The following PLG variants were observed in gnomAD, a reference collection of about 807,000 sequenced individuals.
PLG encodes the protein plasminogen, also known as plasmin.
In PLG, 41 loss-of-function variants were observed where a neutral mutation model predicts 104.4. The ratio of observed to expected loss-of-function variants is 0.39; its 90% CI spans 0.31 to 0.51. The LOEUF (loss-of-function observed/expected upper bound fraction) is 0.51. Ranked by LOEUF, PLG falls within the 20% of genes least tolerant of loss-of-function variation. PLG has a pLI of 0.76. For missense variants in PLG, 891 were observed against 1,003.6 expected (o/e 0.89, Z 1.52); for synonymous variants, 337 against 357.1 (o/e 0.94, Z 0.63).
chr6:160,712,512 A>G (rs4252090), intron 4 of PLG, among the ~76,000 whole-genome samples: 1 of 152,048 alleles, frequency 6.6e-6, no homozygotes, highest in African/African-American at 2.4e-5. Context: ...CAGTTTTCTC[A>G]TCTGTAAAAT....
chr6:160,746,484 T>A (rs1454645364), intron 17 of PLG, among the ~76,000 whole-genome samples: 1 of 152,232 alleles, frequency 6.6e-6, no homozygotes, highest in African/African-American at 2.4e-5. Context: ...CTCTGTCAGA[T>A]CCATTAGGTT....
At chr6:160,749,324 C>T (rs1778355404) in intron 17 of PLG, among the ~76,000 whole-genome samples, 1 of 151,906 alleles carries the variant, frequency 6.6e-6, no homozygotes, top group East Asian at 1.9e-4. Flanking sequence ...AACATCATCA[C>T]CACCACCACC....
chr6:160,738,463 C>G lies in PLG; in HGVS notation c.1803-75C>G. 2.2e-6 allele frequency: 2 copies of G among 918,840 alleles called. No homozygotes were observed. The highest frequency in any genetic ancestry group is 1.6e-5 in the African/African-American group (1 of 61,786). 56.9% of individuals were successfully genotyped at this position (918,840 alleles called of 1,614,324 possible). ...CATGGTCAAAATTAAGTGAACGTGT[C>G]TTTCTGGCTTTCTGTACAATGGAGC... On this transcript the variant is annotated intron_variant, in intron 14 of 18. Transcript: ENST00000308192. This position sits in a 1 kb window ranked among gnomAD's most constrained non-coding sequence, Gnocchi z 6.8.
At position 160,752,783 on chromosome 6, in the gene PLG, T is replaced by G; in HGVS notation, c.2272-117T>G. 2.4e-6 allele frequency: 3 copies of G among 1,268,744 alleles called. No homozygotes were observed. Among genetic ancestry groups the G allele is most frequent in the Admixed American group, 1.8e-5 (1 of 56,448 alleles). The allele number at this position is 1,268,744 out of a possible 1,614,324, so 78.6% of individuals were successfully genotyped here. Reference sequence around the variant, plus strand: ...GATGCTTGAGTAATATGCTCATAAGTTCCTTTCTGATTTCAATTACTGGGA... The same window carrying G: ...GATGCTTGAGTAATATGCTCATAAGGTCCTTTCTGATTTCAATTACTGGGA... On this transcript the variant is annotated intron_variant, in intron 18 of 18. Transcript: ENST00000308192. The surrounding 1 kb of genome is among the most constrained non-coding windows in gnomAD (Gnocchi z 4.7).
rs1778438969 is a variant in PLG at position 160,753,210 on chromosome 6, T to G, written c.*149T>G. On this transcript the variant is annotated 3_prime_UTR_variant, in exon 19 of 19. Coordinates refer to ENST00000308192, the MANE Select transcript of PLG (RefSeq NM_000301.5). This position sits in a 1 kb window ranked among gnomAD's most constrained non-coding sequence, Gnocchi z 5.4. ...CAAACCTCGGCATTTTTTGTGTTATTTTCTGACTGCTGGATTCTGTAGTAA... is the reference window on the plus strand; with the variant it reads ...CAAACCTCGGCATTTTTTGTGTTATGTTCTGACTGCTGGATTCTGTAGTAA... The G allele has an allele frequency of 3.2e-6, 2 of 620,406 alleles. No homozygotes were observed. The highest frequency in any genetic ancestry group is 5.8e-6 in the Non-Finnish European group (2 of 346,356). 38.4% of individuals were successfully genotyped at this position (620,406 alleles called of 1,614,324 possible). A position where few individuals can be genotyped will look rare whatever the true frequency, so the allele number is the denominator to read the frequency against.
chr6:160,713,938 A>G (rs1777689418), intron 5 of PLG, among the ~76,000 whole-genome samples: 1 of 152,220 alleles, frequency 6.6e-6, no homozygotes, highest in East Asian at 1.9e-4. Context: ...TTAGTGCAAA[A>G]GGGAATAAAT....
intron 12 of PLG, 38 bp from the exon 13 acceptor site, chr6:160,733,957 C>T: frequency 9.2e-7 from 1 of 1,092,546 alleles, no homozygotes; most frequent in Non-Finnish European, 1.4e-6. Context: ...CTCTCCTGCC[C>T]CACGTGAGCT....
At position 160,724,061 on chromosome 6, in the gene PLG, C is replaced by G. The variant is rs1041593178; in HGVS notation, c.1256+1494C>G. Among the ~76,000 whole-genome samples the G allele has an allele frequency of 6.6e-6, 1 of 152,154 alleles. No individual in the cohort carries two copies. Among genetic ancestry groups the G allele is most frequent in the African/African-American group, 2.4e-5 (1 of 41,416 alleles). On this transcript the variant is annotated intron_variant, in intron 10 of 18. Transcript: ENST00000308192. This position sits in a 1 kb window ranked among gnomAD's most constrained non-coding sequence, Gnocchi z 5.0. ...AAGTTGCTCAGTTATGTGGCATCCA[C>G]AATGTGTGACCTAAATTTATAACTT...
At chr6:160,705,142 C>T (rs1383264660) in intron 1 of PLG, among the ~76,000 whole-genome samples, 2 of 149,394 alleles carry the variant, frequency 1.3e-5, no homozygotes, top group Non-Finnish European at 3.0e-5. Context: ...ATGGAGCTTG[C>T]CTGTCTTCAT....
intron 7 of PLG, among the ~76,000 whole-genome samples, chr6:160,717,135 C>G (rs564583936): frequency 2.8e-4 from 42 of 150,842 alleles, no homozygotes; most frequent in Non-Finnish European, 5.0e-4. Context: ...GTTTTGTAAA[C>G]AAAGAGTGTC....
At chr6:160,714,146 A>G (rs1256730458) in intron 5 of PLG, among the ~76,000 whole-genome samples, 1 of 152,238 alleles carries the variant, frequency 6.6e-6, no homozygotes, top group Non-Finnish European at 1.5e-5. Flanking sequence ...TTTAAGTCAC[A>G]TATTACTCTG....
At chr6:160,751,006 G>A (rs1055515101) in intron 17 of PLG, among the ~76,000 whole-genome samples, 1 of 152,282 alleles carries the variant, frequency 6.6e-6, no homozygotes, top group African/African-American at 2.4e-5. Flanking sequence ...TGTCAAAGAA[G>A]TGTAAATTAG....
chr6:160,714,918 A>G lies in PLG; in HGVS notation c.668+4A>G. The G allele has an allele frequency of 1.2e-6, 2 of 1,613,528 alleles. No homozygotes were observed. Among genetic ancestry groups the G allele is most frequent in the Non-Finnish European group, 1.7e-6 (2 of 1,179,544 alleles). ...CTCATGGATACATTCCTTCCAAGTA[A>G]GTCTCACTGGGAAAAACATTCCATG... On this transcript the variant is annotated splice_donor_region_variant and intron_variant, in intron 6 of 18. Transcript: ENST00000308192.
At position 160,724,202 on chromosome 6, in the gene PLG, T is replaced by C. The variant is rs12662959; in HGVS notation, c.1256+1635T>C. On this transcript the variant is annotated intron_variant, in intron 10 of 18. Coordinates refer to ENST00000308192, the MANE Select transcript of PLG (RefSeq NM_000301.5). The surrounding 1 kb of genome is among the most constrained non-coding windows in gnomAD (Gnocchi z 5.0). ...GAAGATTTGAAATATATATATATCATAATTGTGTTCAAGGATTTAAATAAA... is the reference window on the plus strand; with the variant it reads ...GAAGATTTGAAATATATATATATCACAATTGTGTTCAAGGATTTAAATAAA... Among the ~76,000 whole-genome samples the C allele has an allele frequency of 0.047, 7,139 of 152,238 alleles. 307 individuals are homozygous for C. Among genetic ancestry groups the C allele is most frequent in the East Asian group, 0.24 (1,249 of 5,176 alleles).
chr6:160,752,021 A>G lies in PLG; in HGVS notation c.2126-94A>G, dbSNP rs1778409967. 3.7e-6 allele frequency: 4 copies of G among 1,089,040 alleles called. No individual in the cohort carries two copies. The highest frequency in any genetic ancestry group is 1.3e-5 in the South Asian group (1 of 79,808). 67.5% of individuals were successfully genotyped at this position (1,089,040 alleles called of 1,614,324 possible). A position where few individuals can be genotyped will look rare whatever the true frequency, so the allele number is the denominator to read the frequency against. On this transcript the variant is annotated intron_variant, in intron 17 of 18. Transcript: ENST00000308192. This position sits in a 1 kb window ranked among gnomAD's most constrained non-coding sequence, Gnocchi z 4.7. ...GCTGCCTCGTGTTCTGCAGCCTCAC[A>G]GACAGGAGGTCCAGTGCCGCTGCTC... is the stretch of plus-strand genomic sequence containing the variant.
At chr6:160,722,639 T>G (rs1777855432) in intron 10 of PLG, 72 bp downstream of exon 10, 35 of 1,411,498 alleles carry the variant, frequency 2.5e-5, no homozygotes, top group Non-Finnish European at 3.4e-5. Context: ...CCATGCTTCA[T>G]GCTTCAAGCC....
At position 160,747,013 on chromosome 6, in the gene PLG, C is replaced by G. The variant is rs1778287871; in HGVS notation, c.2126-5102C>G. 3.9e-5 allele frequency among the ~76,000 whole-genome samples: 6 copies of G among 152,196 alleles called. No individual in the cohort carries two copies. The South Asian group carries it at 1.2e-3, about 32-fold the overall frequency. Reference sequence around the variant, plus strand: ...TGCTTCCCTGGGTAAGTGGGGTTTTCACCCAGCCCTCAAGTTAAGAGTGTT... The same window carrying G: ...TGCTTCCCTGGGTAAGTGGGGTTTTGACCCAGCCCTCAAGTTAAGAGTGTT... On this transcript the variant is annotated intron_variant, in intron 17 of 18. Transcript: ENST00000308192.
In PLG at chr6:160,731,965, A is replaced by T. The variant is rs1778007036; in HGVS notation, c.1587+72A>T. ...TTGCAAACAGAATTGGTTCTGTGTT[A>T]CAGAAAATCTGACCTGGACTGCTCT... On this transcript the variant is annotated intron_variant, in intron 12 of 18. Transcript: ENST00000308192. The surrounding 1 kb of genome is among the most constrained non-coding windows in gnomAD (Gnocchi z 5.1). 2 of 1,504,882 alleles carry T rather than the reference A, an allele frequency of 1.3e-6. No individual in the cohort carries two copies. The highest frequency in any genetic ancestry group is 3.3e-5 in the Admixed American group (2 of 59,852). 93.2% of individuals were successfully genotyped at this position (1,504,882 alleles called of 1,614,324 possible).
Position 160,752,754 on chromosome 6 carries a change from T to G in PLG, c.2272-146T>G. The G allele has an allele frequency of 1.0e-6, 1 of 994,606 alleles. No homozygotes were observed. The highest frequency in any genetic ancestry group is 1.6e-6 in the Non-Finnish European group (1 of 636,890). The allele number at this position is 994,606 out of a possible 1,614,324, so 61.6% of individuals were successfully genotyped here. On this transcript the variant is annotated intron_variant, in intron 18 of 18. Coordinates refer to ENST00000308192, the MANE Select transcript of PLG (RefSeq NM_000301.5). This position sits in a 1 kb window ranked among gnomAD's most constrained non-coding sequence, Gnocchi z 4.7. ...CAGATTTTGCTAAGTACTTAAGCAC[T>G]GCAGATGCTTGAGTAATATGCTCAT...
Sources: gnomAD v4.1 joint callset for allele counts (sites outside exome capture counted in the v4.1 genomes callset) on GRCh38, gnomAD v4.1.1 for gene constraint, Gnocchi (gnomAD v3.1) non-coding constraint, MANE v1.5 for transcripts, NCBI Gene and HGNC (gene_info 2026-07-23, HGNC 2026-07-21) for gene names.